SCEL: variants seen among roughly 807,000 people sequenced by gnomAD.
SCEL encodes sciellin.
SCEL carries 113 observed loss-of-function variants against 117.6 expected under a neutral mutation model. That is an observed-to-expected ratio of 0.96 (90% CI 0.83 to 1.12). SCEL has a LOEUF of 1.12. Ranked by LOEUF, SCEL falls within the 50% of genes most tolerant of loss-of-function variation. The pLI, the probability that SCEL is intolerant of heterozygous loss-of-function variation, is 0.00. For missense variants in SCEL, 785 were observed against 810.8 expected (o/e 0.97, Z 0.39); for synonymous variants, 270 against 256.2 (o/e 1.05, Z -0.51).
chr13:77,556,005 T>A, intron 2 of SCEL, 87 bp downstream of exon 2: 1 of 951,140 alleles, frequency 1.1e-6, no homozygotes, highest in Non-Finnish European at 1.7e-6. Context: ...ATACAGATAT[T>A]GAATGCTTAG....
intron 24 of SCEL, among the ~76,000 whole-genome samples, chr13:77,616,190 C>A (rs2089024836): frequency 6.6e-6 from 1 of 151,730 alleles, no homozygotes; most frequent in South Asian, 2.1e-4. Context: ...AATGGAAGTT[C>A]TAGTGGATTT....
At chr13:77,620,047 A>G (rs1278347268) in intron 27 of SCEL, among the ~76,000 whole-genome samples, 1 of 152,204 alleles carries the variant, frequency 6.6e-6, no homozygotes, top group Non-Finnish European at 1.5e-5. Flanking sequence ...TTCCGTATAC[A>G]GATATGATTA....
At chr13:77,639,380 G>C (rs1371018735) in intron 30 of SCEL, among the ~76,000 whole-genome samples, 1 of 152,178 alleles carries the variant, frequency 6.6e-6, no homozygotes, top group East Asian at 1.9e-4. Flanking sequence ...GACATTACTA[G>C]AATGATTAAA....
At chr13:77,550,387 AAT>A (rs71203062) in intron 1 of SCEL, among the ~76,000 whole-genome samples, 109,603 of 144,200 alleles carry the variant, frequency 0.76, 41,952 homozygotes, top group Non-Finnish European at 0.79. Context: ...CTTTGTCTAA[AAT>A]ATATATATAT....
intron 23 of SCEL, among the ~76,000 whole-genome samples, chr13:77,613,421 C>T (rs1179807053): frequency 6.6e-6 from 1 of 152,132 alleles, no homozygotes; most frequent in Non-Finnish European, 1.5e-5. Context: ...ATCCATTATA[C>T]ACTGGACAAA....
chr13:77,608,740 A>T (rs9544551), intron 20 of SCEL, among the ~76,000 whole-genome samples: 7 of 152,110 alleles, frequency 4.6e-5, no homozygotes, highest in African/African-American at 1.5e-4. Flanking sequence ...CTATAGCATT[A>T]GATGGAATGC....
intron 29 of SCEL, 75 bp downstream of exon 29, chr13:77,634,525 A>G: frequency 1.9e-6 from 2 of 1,063,362 alleles, no homozygotes; most frequent in South Asian, 1.4e-5. Context: ...AAGAGATGCT[A>G]TTGTTTTAGA....
At position 77,608,131 on chromosome 13, in the gene SCEL, T is replaced by TA. The variant is rs536927301; in HGVS notation, c.1217+17dup. 594 of 1,589,504 alleles carry TA rather than the reference T, an allele frequency of 3.7e-4. 7 individuals are homozygous for TA. The South Asian group carries it at 6.4e-3, about 17-fold the overall frequency. ...GTAACCAAGGGTGAGGACTATGTCTTACCTCTCTTCCTTCCCCTTCCCCAT... is the reference window on the plus strand; with the variant it reads ...GTAACCAAGGGTGAGGACTATGTCTTAACCTCTCTTCCTTCCCCTTCCCCAT... On this transcript the variant is annotated intron_variant, in intron 20 of 32. Transcript: ENST00000349847.
chr13:77,632,960 A>G (rs1265933592), intron 28 of SCEL, among the ~76,000 whole-genome samples: 1 of 152,186 alleles, frequency 6.6e-6, no homozygotes, highest in East Asian at 1.9e-4. Context: ...AGCTTTCTAT[A>G]ATGGCATTGC....
At chr13:77,607,601 C>CT in intron 19 of SCEL, among the ~76,000 whole-genome samples, 1 of 152,256 alleles carries the variant, frequency 6.6e-6, no homozygotes, top group South Asian at 2.1e-4. Flanking sequence ...GAAAAATCTG[C>CT]TAATGAATGC....
chr13:77,619,972 A>G (rs919012448), intron 27 of SCEL, among the ~76,000 whole-genome samples: 5 of 152,164 alleles, frequency 3.3e-5, no homozygotes, highest in Non-Finnish European at 7.4e-5. Context: ...GAAGAGGCCA[A>G]TTTGGTAGAA....
At chr13:77,593,230 G>A (rs955350189) in intron 11 of SCEL, among the ~76,000 whole-genome samples, 6 of 150,476 alleles carry the variant, frequency 4.0e-5, no homozygotes, top group Admixed American at 1.3e-4. Flanking sequence ...AGATGGCAGA[G>A]CCAACACCCA....
At chr13:77,595,231 T>C (rs1045678565) in intron 12 of SCEL, among the ~76,000 whole-genome samples, 2 of 152,150 alleles carry the variant, frequency 1.3e-5, no homozygotes, top group African/African-American at 2.4e-5. Context: ...CAGAGAGAAG[T>C]TGCTGCTTGA....
At chr13:77,543,152 C>A (rs980019776) in intron 1 of SCEL, among the ~76,000 whole-genome samples, 1 of 143,092 alleles carries the variant, frequency 7.0e-6, no homozygotes, top group African/African-American at 2.6e-5. Flanking sequence ...GGCGGGATCT[C>A]GGCTCACTGC....
chr13:77,546,870 C>T (rs1336779179), intron 1 of SCEL, among the ~76,000 whole-genome samples: 1 of 152,096 alleles, frequency 6.6e-6, no homozygotes, highest in East Asian at 1.9e-4. Flanking sequence ...CCTATGATTG[C>T]CCACAGTCAC....
intron 1 of SCEL, among the ~76,000 whole-genome samples, chr13:77,549,196 C>CT (rs1225662858): frequency 3.9e-5 from 6 of 152,156 alleles, no homozygotes; most frequent in Admixed American, 3.3e-4. Context: ...TGAGAGTTCT[C>CT]TTTTCTCTGC....
intron 3 of SCEL, among the ~76,000 whole-genome samples, chr13:77,559,031 T>C (rs929200431): frequency 6.6e-6 from 1 of 152,140 alleles, no homozygotes; most frequent in East Asian, 1.9e-4. Context: ...GTAAGAATGA[T>C]ATTACTTTGA....
At chr13:77,565,035 A>G (rs2085210270) in intron 5 of SCEL, among the ~76,000 whole-genome samples, 1 of 152,192 alleles carries the variant, frequency 6.6e-6, no homozygotes, top group East Asian at 1.9e-4. Flanking sequence ...TTAATTGAAG[A>G]AGGAAACCCT....
chr13:77,634,353 A>C lies in SCEL; in HGVS notation c.1692-26A>C, dbSNP rs745600489. 1.2e-5 allele frequency: 19 copies of C among 1,594,346 alleles called. No individual in the cohort carries two copies. The East Asian group carries it at 3.4e-4, about 28-fold the overall frequency. ...TTATCCTTGCAAATAAACTTTAATC[A>C]TGAAGTAAAATGATTTGTTTTGCAG... On this transcript the variant is annotated intron_variant, in intron 28 of 32. Transcript: ENST00000349847.
Sources: gnomAD v4.1 joint callset for allele counts (sites outside exome capture counted in the v4.1 genomes callset) on GRCh38, gnomAD v4.1.1 for gene constraint, MANE v1.5 for transcripts, NCBI Gene and HGNC (gene_info 2026-07-23, HGNC 2026-07-21) for gene names.